Variants in MYO9B observed in about 807,000 individuals in gnomAD.
MYO9B encodes the protein myosin IXB.
In MYO9B, 71 loss-of-function variants were observed where a neutral mutation model predicts 229.5. The observed-to-expected ratio is 0.31, with a 90% CI of 0.26 to 0.38. The LOEUF (loss-of-function observed/expected upper bound fraction) is 0.38. MYO9B is among the 10% of genes least tolerant of loss of function. The pLI is 1.00. For missense variants in MYO9B, 2,255 were observed against 2,920.5 expected, an observed-to-expected ratio of 0.77 and a Z score of 5.25; for synonymous variants, 1,185 against 1,235.8, an observed-to-expected ratio of 0.96 and a Z score of 0.86.
chr19:17,081,526 A>G (rs2057533656), intron 1 of MYO9B, among the ~76,000 whole-genome samples: 1 of 151,834 alleles, frequency 6.6e-6, no homozygotes, highest in South Asian at 2.1e-4. Context: ...GAGAGGTGAG[A>G]GGCCTGGTGC....
chr19:17,164,924 C>T (rs1034034893), intron 10 of MYO9B, among the ~76,000 whole-genome samples: 7 of 152,272 alleles, frequency 4.6e-5, no homozygotes, highest in East Asian at 1.9e-4. Context: ...AGAACATACA[C>T]GGTCTCAGTA....
intron 16 of MYO9B, 86 bp from the exon 17 acceptor site, chr19:17,184,779 G>C: frequency 6.3e-7 from 1 of 1,578,120 alleles, no homozygotes; most frequent in Non-Finnish European, 8.6e-7. Context: ...ACGCTGTTCT[G>C]CCCTGGCTTC....
chr19:17,182,040 G>C (rs956291381), intron 15 of MYO9B, among the ~76,000 whole-genome samples: 2 of 149,766 alleles, frequency 1.3e-5, no homozygotes, highest in Non-Finnish European at 3.0e-5. Context: ...GCCTCCCAAA[G>C]TGCTGGGATT....
At chr19:17,180,359 T>C (rs1394459726) in intron 14 of MYO9B, among the ~76,000 whole-genome samples, 27 of 128,430 alleles carry the variant, frequency 2.1e-4, no homozygotes, top group Admixed American at 2.0e-3. Flanking sequence ...TTTTTTTTTT[T>C]TTTTTTTGAG....
At chr19:17,204,128 T>A (rs547536486) in intron 30 of MYO9B, among the ~76,000 whole-genome samples, 34 of 152,100 alleles carry the variant, frequency 2.2e-4, no homozygotes, top group African/African-American at 7.9e-4. Context: ...AACAGTCAGT[T>A]GTCATGGTCC....
At chr19:17,142,682 A>G (rs1471749073) in intron 2 of MYO9B, among the ~76,000 whole-genome samples, 2 of 152,164 alleles carry the variant, frequency 1.3e-5, no homozygotes, top group Non-Finnish European at 2.9e-5. Context: ...TGAGCCTGGC[A>G]TGTACCGATA....
intron 28 of MYO9B, 112 bp downstream of exon 28, chr19:17,202,415 T>A: frequency 9.4e-7 from 1 of 1,066,364 alleles, no homozygotes; most frequent in Non-Finnish European, 1.3e-6. Context: ...CACCCACCCA[T>A]GCCCTGCCCA....
chr19:17,205,980 T>C lies in MYO9B; in HGVS notation c.5085T>C (p.Pro1695=). ...YGRKGEPGVE[P]GHFGVCVDSL... is the part of the protein sequence containing the mutation. ...TGCAGGGCGAGCCAGGCGTTGAGCC[T>C]GGCCACTTCGGCGTGTGCGTAGACA... Residue 1695 remains proline, a synonymous_variant, in exon 32 of 40, where the codon CCT becomes CCC. Coordinates refer to ENST00000682292, the MANE Select transcript of MYO9B (RefSeq NM_004145.4). The C allele has an allele frequency of 6.4e-7, 1 of 1,574,678 alleles. No homozygotes were observed. Among genetic ancestry groups the C allele is most frequent in the Non-Finnish European group, 8.6e-7 (1 of 1,158,418 alleles).
intron 1 of MYO9B, among the ~76,000 whole-genome samples, chr19:17,079,637 C>T (rs1194372594): frequency 3.3e-5 from 5 of 152,190 alleles, no homozygotes; most frequent in Non-Finnish European, 7.3e-5. Context: ...ATCTTGCTGT[C>T]CCCTTCCCTG....
chr19:17,151,254 G>A (rs1001328060), intron 3 of MYO9B, among the ~76,000 whole-genome samples: 3 of 150,014 alleles, frequency 2.0e-5, no homozygotes, highest in Non-Finnish European at 3.0e-5. Flanking sequence ...CTCCAGCCTC[G>A]GCAACGAGAG....
Position 17,195,989 on chromosome 19 carries a change from T to C in MYO9B, c.4046+516T>C, listed in dbSNP as rs1054381575. Among the ~76,000 whole-genome samples the C allele has an allele frequency of 1.3e-4, 20 of 151,844 alleles. No homozygotes were observed. The highest frequency in any genetic ancestry group is 3.3e-4 in the Admixed American group (5 of 15,218). On this transcript the variant is annotated intron_variant, in intron 22 of 39. Coordinates refer to ENST00000682292, the MANE Select transcript of MYO9B (RefSeq NM_004145.4). The surrounding 1 kb of genome is among the most constrained non-coding windows in gnomAD (Gnocchi z 4.5). ...CCTGCTCAGCCTCCCACTGCTCGTA[T>C]TGGGGGCCAGATCATTCTCTGCGGT...
In MYO9B at chr19:17,170,857, C is replaced by T. The variant is rs907189539; in HGVS notation, c.1794-1479C>T. ...AAAAAAAAAAAAAAAAAAGTAGAGA[C>T]GGCAGTAGGAGGAGCTACGTCATCA... is the stretch of plus-strand genomic sequence containing the variant. On this transcript the variant is annotated intron_variant, in intron 11 of 39. Coordinates refer to ENST00000682292, the MANE Select transcript of MYO9B (RefSeq NM_004145.4). 9.1e-5 allele frequency among the ~76,000 whole-genome samples: 12 copies of T among 131,186 alleles called. 1 individual carries two copies. The highest frequency in any genetic ancestry group is 6.9e-4 in the Admixed American group (9 of 12,952). 86.1% of individuals were successfully genotyped at this position (131,186 alleles called of 152,430 possible).
chr19:17,152,323 C>T (rs532659857), intron 3 of MYO9B, among the ~76,000 whole-genome samples: 14 of 152,296 alleles, frequency 9.2e-5, no homozygotes, highest in Admixed American at 6.5e-4. Flanking sequence ...GAGGCCAAGG[C>T]GTGCAGATCA....
At chr19:17,113,031 G>A (rs1448946494) in intron 2 of MYO9B, among the ~76,000 whole-genome samples, 3 of 152,220 alleles carry the variant, frequency 2.0e-5, no homozygotes, top group East Asian at 1.9e-4. Context: ...CCCATGTCAC[G>A]AGGAGCAAAG....
chr19:17,145,411 C>T lies in MYO9B; in HGVS notation c.855C>T (p.Ala285=). The T allele has an allele frequency of 1.2e-6, 2 of 1,613,924 alleles. No homozygotes were observed. The highest frequency in any genetic ancestry group is 2.2e-5 in the East Asian group (1 of 44,886). The change falls in exon 3 of 40, where the codon GCC becomes GCT. Residue 285 remains alanine (A), a synonymous_variant. Coordinates refer to ENST00000682292, the MANE Select transcript of MYO9B (RefSeq NM_004145.4). ...AGPVLEAFGN[A]KTAHNNNSSR... Reference sequence around the variant, plus strand: ...TTTCCTTGCAGGCTTTTGGAAATGCCAAGACAGCCCACAACAACAACTCCA... The same window carrying T: ...TTTCCTTGCAGGCTTTTGGAAATGCTAAGACAGCCCACAACAACAACTCCA...
chr19:17,158,160 C>T (rs1029282341), intron 7 of MYO9B, among the ~76,000 whole-genome samples: 1 of 152,208 alleles, frequency 6.6e-6, no homozygotes, highest in Non-Finnish European at 1.5e-5. Flanking sequence ...GCCGAGGAGC[C>T]CTACCCCAGT....
At chr19:17,197,406 TGATAGATAGATAGATAGATA>T (rs11455979) in intron 22 of MYO9B, among the ~76,000 whole-genome samples, 1 of 128,776 alleles carries the variant, frequency 7.8e-6, no homozygotes, top group Non-Finnish European at 1.6e-5. Flanking sequence ...GATAGATAGA[TGATAGATAGATAGATAGATA>T]GATAGATAGA....
rs575264070 is a variant in MYO9B at position 17,160,687 on chromosome 19, T to TTTTA, written c.1419+1223_1419+1226dup. ...TAGGCCTGGCTAATTTTTTTTGCATTTTTATTTATTTATTTATTTATTTTT... is the reference window on the plus strand; with the variant it reads ...TAGGCCTGGCTAATTTTTTTTGCATTTTTATTTATTTATTTATTTATTTATTTTT... On this transcript the variant is annotated intron_variant, in intron 8 of 39. Transcript: ENST00000682292. 4.8e-3 allele frequency among the ~76,000 whole-genome samples: 732 copies of TTTTA among 151,072 alleles called. 3 individuals carry two copies. The highest frequency in any genetic ancestry group is 0.017 in the African/African-American group (686 of 41,118).
intron 1 of MYO9B, among the ~76,000 whole-genome samples, chr19:17,094,015 T>TTTGTTG (rs141113380): frequency 0.046 from 6,802 of 148,554 alleles, 203 homozygotes; most frequent in African/African-American, 0.071. Flanking sequence ...TGCAGCTGGC[T>TTTGTTG]TTGTTGTTGT....
Sources: allele counts gnomAD v4.1 joint callset (sites outside exome capture counted in the v4.1 genomes callset), GRCh38; gene constraint gnomAD v4.1.1; non-coding constraint Gnocchi (gnomAD v3.1); transcripts MANE v1.5; gene names NCBI Gene and HGNC (gene_info 2026-07-23, HGNC 2026-07-21).